P3H2: variants seen among roughly 807,000 people sequenced by gnomAD.
The protein encoded by P3H2 is leprecan-like 1.
In P3H2, 80 loss-of-function variants were observed where a neutral mutation model predicts 87.0. The ratio of observed to expected loss-of-function variants is 0.92; its 90% CI spans 0.77 to 1.11. P3H2 has a LOEUF of 1.11. Among genes scored for constraint, P3H2 ranks in the 50% least tolerant of loss-of-function variants. P3H2 has a pLI of 0.00. For missense variants in P3H2, 1,001 were observed against 923.9 expected (o/e 1.08, Z -1.08); for synonymous variants, 367 against 359.3 (o/e 1.02, Z -0.24).
At chr3:190,086,282 A>T (rs1317056613) in intron 1 of P3H2, among the ~76,000 whole-genome samples, 1 of 152,168 alleles carries the variant, frequency 6.6e-6, no homozygotes, top group East Asian at 1.9e-4. Context: ...ATCACTGAAT[A>T]CCCTCTAACT....
intron 1 of P3H2, among the ~76,000 whole-genome samples, chr3:190,016,790 A>G (rs7640898): frequency 0.24 from 36,108 of 152,020 alleles, 4,336 homozygotes; most frequent in Non-Finnish European, 0.26. Flanking sequence ...CAATTGTCCC[A>G]TGACCCCCTT....
chr3:190,026,138 C>T (rs1725078881), intron 1 of P3H2, among the ~76,000 whole-genome samples: 1 of 152,140 alleles, frequency 6.6e-6, no homozygotes, highest in South Asian at 2.1e-4. Context: ...AATTTTGTCT[C>T]AGCTTTTACA....
At chr3:190,003,881 C>T (rs138515804) in intron 1 of P3H2, among the ~76,000 whole-genome samples, 1,923 of 152,296 alleles carry the variant, frequency 0.013, 11 homozygotes, top group Non-Finnish European at 0.02. Flanking sequence ...ACCTTGCTGA[C>T]ATTTGTTTCC....
At chr3:190,095,835 C>T (rs1031968689) in intron 1 of P3H2, among the ~76,000 whole-genome samples, 1 of 152,084 alleles carries the variant, frequency 6.6e-6, no homozygotes, top group African/African-American at 2.4e-5. Flanking sequence ...ATCTCCTGAC[C>T]TCGTGATTCG....
chr3:190,106,866 G>A (rs573221302), intron 1 of P3H2, among the ~76,000 whole-genome samples: 1 of 152,192 alleles, frequency 6.6e-6, no homozygotes, highest in East Asian at 1.9e-4. Context: ...ACTAGAGTTT[G>A]GATCTCATGA....
chr3:190,019,459 A>T (rs1228835515), intron 1 of P3H2, among the ~76,000 whole-genome samples: 1 of 152,174 alleles, frequency 6.6e-6, no homozygotes, highest in Non-Finnish European at 1.5e-5. Context: ...TTATTCTTAC[A>T]TGATGAGACT....
chr3:189,963,909 A>C, intron 14 of P3H2, 49 bp downstream of exon 14: 1 of 1,603,796 alleles, frequency 6.2e-7, no homozygotes, highest in Non-Finnish European at 8.5e-7. Flanking sequence ...CAGATAAAGC[A>C]GTTCATGAAG....
At chr3:189,979,980 A>AT (rs1186398235) in intron 8 of P3H2, among the ~76,000 whole-genome samples, 1 of 152,054 alleles carries the variant, frequency 6.6e-6, no homozygotes, top group Non-Finnish European at 1.5e-5. Context: ...AAAAATAAAA[A>AT]TAAAAAAAAA....
At chr3:189,996,860 G>C (rs1724066125) in intron 1 of P3H2, among the ~76,000 whole-genome samples, 2 of 152,152 alleles carry the variant, frequency 1.3e-5, no homozygotes, top group Admixed American at 1.3e-4. Flanking sequence ...TGAGATATTT[G>C]ATTCCAAACT....
intron 1 of P3H2, among the ~76,000 whole-genome samples, chr3:190,037,605 C>G (rs1457077286): frequency 6.6e-6 from 1 of 152,086 alleles, no homozygotes; most frequent in Non-Finnish European, 1.5e-5. Flanking sequence ...TCTCTGTTTT[C>G]TTTTTACAAT....
At position 189,974,126 on chromosome 3, in the gene P3H2, T is replaced by C. The variant is rs537202450; in HGVS notation, c.1453-122A>G. The C allele has an allele frequency of 4.7e-5, 37 of 795,666 alleles. No individual in the cohort carries two copies. In the East Asian group the frequency reaches 8.8e-4, roughly 19 times the overall value. The allele number at this position is 795,666 out of a possible 1,614,324, so 49.3% of individuals were successfully genotyped here. A position where few individuals can be genotyped will look rare whatever the true frequency, so the allele number is the denominator to read the frequency against. ...AATGCTAAGAACCATCCCCATTTTATTCCAGGATGCTGGTATAACTATTCT... is the reference window on the plus strand; with the variant it reads ...AATGCTAAGAACCATCCCCATTTTACTCCAGGATGCTGGTATAACTATTCT... On this transcript the variant is annotated intron_variant, in intron 9 of 14. Coordinates refer to ENST00000319332, the MANE Select transcript of P3H2 (RefSeq NM_018192.4).
intron 1 of P3H2, among the ~76,000 whole-genome samples, chr3:190,068,495 T>TTGG (rs1360038221): frequency 6.6e-6 from 1 of 152,178 alleles, no homozygotes; most frequent in Non-Finnish European, 1.5e-5. Flanking sequence ...ACAAAAGTTA[T>TTGG]TGGGTCTTAA....
At chr3:189,978,347 T>C (rs1052544141) in intron 8 of P3H2, among the ~76,000 whole-genome samples, 1 of 152,230 alleles carries the variant, frequency 6.6e-6, no homozygotes, top group African/African-American at 2.4e-5. Context: ...TATAAGTATG[T>C]ATTATCATTA....
Position 190,010,663 on chromosome 3 carries a change from T to C in P3H2, c.481-15221A>G, listed in dbSNP as rs140268027. ...TCCTTGACTTTGGGCTTCTGGCCTC[T>C]AGAACAGTCAGAAGGTAAATGTCTG... On this transcript the variant is annotated intron_variant, in intron 1 of 14. Coordinates refer to ENST00000319332, the MANE Select transcript of P3H2 (RefSeq NM_018192.4). Among the ~76,000 whole-genome samples the C allele has an allele frequency of 6.4e-3, 973 of 152,292 alleles. 15 individuals are homozygous for C. Among genetic ancestry groups the C allele is most frequent in the African/African-American group, 0.022 (924 of 41,562 alleles).
intron 14 of P3H2, among the ~76,000 whole-genome samples, chr3:189,962,652 A>C (rs1722852800): frequency 6.6e-6 from 1 of 152,098 alleles, no homozygotes; most frequent in Non-Finnish European, 1.5e-5. Flanking sequence ...TTCTACCCCT[A>C]GGGCCTATCT....
intron 1 of P3H2, among the ~76,000 whole-genome samples, chr3:190,018,021 G>A (rs968921190): frequency 4.6e-5 from 7 of 152,208 alleles, no homozygotes; most frequent in Admixed American, 1.3e-4. Flanking sequence ...TCAGGTGGCT[G>A]AAGTCACAGT....
At chr3:190,068,570 C>T (rs1726590267) in intron 1 of P3H2, among the ~76,000 whole-genome samples, 1 of 152,160 alleles carries the variant, frequency 6.6e-6, no homozygotes, top group Non-Finnish European at 1.5e-5. Context: ...TGAACAGTTA[C>T]TAAGGAGCTG....
rs1175303724 is a variant in P3H2 at position 189,959,858 on chromosome 3, ATATGTGTGTGTGTGTGTGTGTG to A, written c.2035-1876_2035-1855del. ...CTGTAACTCTCCAGGACTGGAGGAG[ATATGTGTGTGTGTGTGTGTGTG>A]TGTGTGTGTGTGTGTGTGTGTGTGT... On this transcript the variant is annotated intron_variant, in intron 14 of 14. Coordinates refer to ENST00000319332, the MANE Select transcript of P3H2 (RefSeq NM_018192.4). Among the ~76,000 whole-genome samples the A allele has an allele frequency of 2.7e-3, 360 of 131,184 alleles. 2 individuals carry two copies. Among genetic ancestry groups the A allele is most frequent in the African/African-American group, 0.011 (341 of 31,946 alleles). 86.1% of individuals were successfully genotyped at this position (131,184 alleles called of 152,430 possible).
chr3:189,983,961 G>C (rs939629579), intron 7 of P3H2, among the ~76,000 whole-genome samples: 1 of 151,950 alleles, frequency 6.6e-6, no homozygotes, highest in Admixed American at 6.6e-5. Context: ...AGCATTAGGA[G>C]ATATACCTAA....
Sources: gnomAD v4.1 joint callset for allele counts (sites outside exome capture counted in the v4.1 genomes callset) on GRCh38, gnomAD v4.1.1 for gene constraint, MANE v1.5 for transcripts, NCBI Gene and HGNC (gene_info 2026-07-23, HGNC 2026-07-21) for gene names.